Variants in CSMD1 observed in about 807,000 individuals in gnomAD.
The protein encoded by CSMD1 is CUB and sushi domain-containing protein 1.
Under a neutral mutation model 417.5 loss-of-function variants are expected in CSMD1, and 213 were observed. The observed-to-expected ratio is 0.51, with a 90% confidence interval of 0.46 to 0.57. The LOEUF (loss-of-function observed/expected upper bound fraction) is 0.57, where lower values mean the gene tolerates loss of function less well. Ranked by LOEUF, CSMD1 falls within the 20% of genes least tolerant of loss-of-function variation. The pLI, the probability that CSMD1 is intolerant of heterozygous loss-of-function variation, is 0.00. For missense variants in CSMD1, 6,923 were observed against 4,529.7 expected (o/e 1.53, Z -15.17); for synonymous variants, 2,862 against 1,736.8 (o/e 1.65, Z -16.11).
intron 3 of CSMD1, among the ~76,000 whole-genome samples, chr8:4,401,815 G>A (rs145599793): frequency 1.6e-4 from 25 of 152,022 alleles, no homozygotes; most frequent in African/African-American, 4.6e-4. Context: ...TCACCCCTCC[G>A]TTCCCTGGGA....
intron 3 of CSMD1, among the ~76,000 whole-genome samples, chr8:4,396,558 T>G (rs1375865947): frequency 2.6e-5 from 4 of 151,734 alleles, no homozygotes; most frequent in African/African-American, 9.7e-5. Flanking sequence ...GCAGCAAAAT[T>G]CGCAACTGCA....
At chr8:4,605,884 A>G (rs1299430615) in intron 2 of CSMD1, among the ~76,000 whole-genome samples, 1 of 152,148 alleles carries the variant, frequency 6.6e-6, no homozygotes, top group Non-Finnish European at 1.5e-5. Flanking sequence ...GCTGGAGTAG[A>G]GACATTTGGA....
intron 7 of CSMD1, among the ~76,000 whole-genome samples, chr8:3,636,722 G>A (rs1563220493): frequency 6.6e-6 from 1 of 152,170 alleles, no homozygotes; most frequent in Non-Finnish European, 1.5e-5. Context: ...GACCATCTTG[G>A]GAGCAGCTGG....
intron 3 of CSMD1, among the ~76,000 whole-genome samples, chr8:4,233,551 C>A (rs889918392): frequency 6.6e-6 from 1 of 152,152 alleles, no homozygotes; most frequent in East Asian, 1.9e-4. Flanking sequence ...ACACCTTCCA[C>A]TGTCTGAGGA....
At chr8:3,521,147 G>A (rs1797492210) in intron 10 of CSMD1, among the ~76,000 whole-genome samples, 1 of 147,636 alleles carries the variant, frequency 6.8e-6, no homozygotes, top group African/African-American at 2.5e-5. Context: ...CCTACACACT[G>A]AAAATGAATG....
At chr8:4,442,502 G>C (rs933191487) in intron 2 of CSMD1, among the ~76,000 whole-genome samples, 1 of 152,054 alleles carries the variant, frequency 6.6e-6, no homozygotes, top group East Asian at 1.9e-4. Context: ...GTATATAAAA[G>C]ATGTTATTCC....
chr8:3,775,862 G>A lies in CSMD1; in HGVS notation c.819-21820C>T, dbSNP rs556379137. ...CAGGGTTGTTACTGACCTAGGATGG[G>A]TCCTGAGACCTCTCTCCCTTGCGCC... On this transcript the variant is annotated intron_variant, in intron 5 of 69. Coordinates refer to ENST00000635120, the MANE Select transcript of CSMD1 (RefSeq NM_033225.6). Among the ~76,000 whole-genome samples, 6 of 152,186 alleles carry A rather than the reference G, an allele frequency of 3.9e-5. No individual in the cohort carries two copies. The South Asian group carries it at 6.2e-4, about 16-fold the overall frequency.
At chr8:3,716,413 A>G (rs563377965) in intron 6 of CSMD1, among the ~76,000 whole-genome samples, 147 of 152,296 alleles carry the variant, frequency 9.7e-4, no homozygotes, top group Admixed American at 1.6e-3. Flanking sequence ...TTTCTTGATG[A>G]TATGCTAAAC....
At chr8:4,551,583 C>G (rs1050327469) in intron 2 of CSMD1, among the ~76,000 whole-genome samples, 1 of 152,188 alleles carries the variant, frequency 6.6e-6, no homozygotes, top group Non-Finnish European at 1.5e-5. Flanking sequence ...CACCATGTCA[C>G]CCCACACTCA....
At chr8:4,158,281 C>T (rs1454460494) in intron 3 of CSMD1, among the ~76,000 whole-genome samples, 1 of 151,964 alleles carries the variant, frequency 6.6e-6, no homozygotes, top group Admixed American at 6.6e-5. Context: ...GAAGACTAAA[C>T]AACAGAAGTA....
intron 3 of CSMD1, among the ~76,000 whole-genome samples, chr8:4,055,886 A>C (rs80187209): frequency 0.014 from 2,093 of 152,172 alleles, 43 homozygotes; most frequent in East Asian, 0.09. Context: ...AATAGCACTT[A>C]CATACAAATG....
rs1040495198 is a variant in CSMD1 at position 4,583,715 on chromosome 8, C to G, written c.302+53627G>C. On this transcript the variant is annotated intron_variant, in intron 2 of 69. Coordinates refer to ENST00000635120, the MANE Select transcript of CSMD1 (RefSeq NM_033225.6). ...TTGTATCTAGCTCAGGCATTGTAAA[C>G]ACACCAGTCAGCACCCTGTCAAAAC... Among the ~76,000 whole-genome samples the G allele has an allele frequency of 8.5e-5, 13 of 152,216 alleles. No homozygotes were observed. The East Asian group carries it at 1.4e-3, about 16-fold the overall frequency.
chr8:4,087,738 G>A (rs1374361804), intron 3 of CSMD1, among the ~76,000 whole-genome samples: 1 of 151,932 alleles, frequency 6.6e-6, no homozygotes, highest in Non-Finnish European at 1.5e-5. Context: ...CCTTTCTTCT[G>A]TCTCTCCCGT....
chr8:4,236,335 A>G (rs571069193), intron 3 of CSMD1, among the ~76,000 whole-genome samples: 31 of 152,154 alleles, frequency 2.0e-4, no homozygotes, highest in Non-Finnish European at 4.1e-4. Flanking sequence ...AGTTTAGTGC[A>G]TGAGTCACAC....
In CSMD1 at chr8:2,937,711, T is replaced by C. The variant is rs2291318; in HGVS notation, c.*874A>G. On this transcript the variant is annotated 3_prime_UTR_variant, in exon 70 of 70. Transcript: ENST00000635120. ...GAATTCAACACGTAAATGGAGCTAA[T>C]TGAAGCAATAATAAAATAAATCTCT... The C allele has an allele frequency of 5.9e-5, 9 of 152,552 alleles. No homozygotes were observed. The East Asian group carries it at 1.4e-3, about 23-fold the overall frequency. The allele number at this position is 152,552 out of a possible 1,614,324, so 9.4% of individuals were successfully genotyped here.
intron 1 of CSMD1, among the ~76,000 whole-genome samples, chr8:4,801,893 G>A (rs577140521): frequency 2.6e-5 from 4 of 152,238 alleles, no homozygotes; most frequent in East Asian, 3.9e-4. Context: ...TTAAGCATAG[G>A]TACTATTTGC....
intron 12 of CSMD1, among the ~76,000 whole-genome samples, chr8:3,416,293 A>C (rs1813144377): frequency 8.7e-6 from 1 of 114,536 alleles, no homozygotes; most frequent in African/African-American, 3.3e-5. Context: ...ACAGAGCCAG[A>C]CTCCGTCTCA....
intron 1 of CSMD1, among the ~76,000 whole-genome samples, chr8:4,983,995 C>G (rs1811040496): frequency 6.6e-6 from 1 of 152,104 alleles, no homozygotes; most frequent in Non-Finnish European, 1.5e-5. Context: ...AATTGGAAGT[C>G]ACAAGGGCAG....
intron 2 of CSMD1, among the ~76,000 whole-genome samples, chr8:4,560,215 C>T (rs571541133): frequency 6.6e-6 from 1 of 152,232 alleles, no homozygotes; most frequent in Non-Finnish European, 1.5e-5. Flanking sequence ...AGCAGCAAAG[C>T]TAAGAAGCCA....
Sources: gnomAD v4.1 joint callset for allele counts (sites outside exome capture counted in the v4.1 genomes callset) on GRCh38, gnomAD v4.1.1 for gene constraint, MANE v1.5 for transcripts, NCBI Gene and HGNC (gene_info 2026-07-23, HGNC 2026-07-21) for gene names.